The following ARHGAP26 variants were observed in gnomAD, a reference collection of about 807,000 sequenced individuals.
ARHGAP26 encodes the protein Rho GTPase activating protein 26, also known as rho GTPase-activating protein 26.
ARHGAP26 carries 38 observed loss-of-function variants against 104.8 expected under a neutral mutation model. The ratio of observed to expected loss-of-function variants is 0.36; its 90% CI spans 0.28 to 0.48. The LOEUF is 0.48. Ranked by LOEUF, ARHGAP26 falls within the 20% of genes least tolerant of loss-of-function variation. The pLI, the probability that ARHGAP26 is intolerant of heterozygous loss-of-function variation, is 0.99. For missense variants in ARHGAP26, 704 were observed against 947.9 expected (o/e 0.74, Z 3.38); for synonymous variants, 341 against 340.0 (o/e 1.00, Z -0.03).
chr5:143,036,287 C>T (rs1420683896), intron 12 of ARHGAP26, among the ~76,000 whole-genome samples: 1 of 152,200 alleles, frequency 6.6e-6, no homozygotes, highest in Non-Finnish European at 1.5e-5. Flanking sequence ...TAAAGATTAT[C>T]ACCGGGTAAC....
At chr5:142,931,030 G>A (rs1011917814) in intron 10 of ARHGAP26, among the ~76,000 whole-genome samples, 11 of 152,086 alleles carry the variant, frequency 7.2e-5, no homozygotes, top group African/African-American at 2.2e-4. Context: ...GACAGGAATC[G>A]GACTTTAGTT....
chr5:143,019,938 T>C (rs1247755533), intron 12 of ARHGAP26, among the ~76,000 whole-genome samples: 2 of 152,246 alleles, frequency 1.3e-5, no homozygotes, highest in Non-Finnish European at 2.9e-5. Context: ...AATCGGGTTA[T>C]GTTGAAAGGA....
At chr5:142,805,652 G>C (rs1467880197) in intron 1 of ARHGAP26, among the ~76,000 whole-genome samples, 4 of 152,150 alleles carry the variant, frequency 2.6e-5, no homozygotes, top group Non-Finnish European at 4.4e-5. Context: ...CTGAGGTTTG[G>C]AATAGCTAAT....
At chr5:143,034,009 A>G (rs1473259006) in intron 12 of ARHGAP26, among the ~76,000 whole-genome samples, 1 of 152,226 alleles carries the variant, frequency 6.6e-6, no homozygotes, top group Non-Finnish European at 1.5e-5. Context: ...GATTCCCAAC[A>G]TTATTAGTCA....
chr5:142,924,743 C>T (rs1763669300), intron 10 of ARHGAP26, among the ~76,000 whole-genome samples: 1 of 152,206 alleles, frequency 6.6e-6, no homozygotes. Flanking sequence ...CATAGTAGTG[C>T]AGATTCATAT....
intron 5 of ARHGAP26, among the ~76,000 whole-genome samples, chr5:142,888,535 C>T (rs952642362): frequency 6.6e-6 from 1 of 152,164 alleles, no homozygotes; most frequent in African/African-American, 2.4e-5. Flanking sequence ...TTGTTGAGCA[C>T]GTGGTACACC....
At chr5:142,839,668 G>T (rs1770354747) in intron 1 of ARHGAP26, among the ~76,000 whole-genome samples, 5 of 152,110 alleles carry the variant, frequency 3.3e-5, no homozygotes, top group Admixed American at 3.3e-4. Context: ...AAAAGTTCTG[G>T]AATGAGGCTT....
At chr5:143,168,619 T>G (rs1247584438) in intron 20 of ARHGAP26, 1 of 152,206 alleles carries the variant, frequency 6.6e-6, no homozygotes, top group African/African-American at 2.4e-5. Flanking sequence ...GCTGTATTCC[T>G]CTTCTGTGTT....
intron 17 of ARHGAP26, among the ~76,000 whole-genome samples, chr5:143,116,744 C>G (rs1795503017): frequency 6.6e-6 from 1 of 152,230 alleles, no homozygotes; most frequent in African/African-American, 2.4e-5. Context: ...CCATCTATTT[C>G]CTCTTAAAGC....
At chr5:143,160,124 A>G (rs1261072262) in intron 20 of ARHGAP26, among the ~76,000 whole-genome samples, 6 of 150,680 alleles carry the variant, frequency 4.0e-5, no homozygotes, top group Admixed American at 3.3e-4. Context: ...CAGTGGTGCA[A>G]TCTCGGCTCA....
rs530719051 is a variant in ARHGAP26, at chr5:142,787,091, T to C, written c.154+16176T>C. Reference sequence around the variant, plus strand: ...GCTCCCTTTCCTGTTATACTTCCTGTGTTACATTTCAGAGTGAGAGGATGT... The same window carrying C: ...GCTCCCTTTCCTGTTATACTTCCTGCGTTACATTTCAGAGTGAGAGGATGT... On this transcript the variant is annotated intron_variant, in intron 1 of 22. Coordinates refer to ENST00000645722, the MANE Select transcript of ARHGAP26 (RefSeq NM_001135608.3). Among the ~76,000 whole-genome samples, 9 of 152,340 alleles carry C rather than the reference T, an allele frequency of 5.9e-5. No homozygotes were observed. In the Middle Eastern group the frequency reaches 0.014, roughly 230 times the overall value.
intron 11 of ARHGAP26, among the ~76,000 whole-genome samples, chr5:143,003,983 C>T (rs981072105): frequency 7.5e-6 from 1 of 132,914 alleles, no homozygotes; most frequent in Admixed American, 8.4e-5. Flanking sequence ...AGAGAGACTC[C>T]AGGGATGCCT....
intron 12 of ARHGAP26, among the ~76,000 whole-genome samples, chr5:143,017,161 G>A (rs1779705714): frequency 1.3e-5 from 2 of 152,194 alleles, no homozygotes; most frequent in Non-Finnish European, 2.9e-5. Context: ...AAATGTTTTG[G>A]TGGGAATTTC....
At chr5:142,831,577 C>G (rs558504079) in intron 1 of ARHGAP26, among the ~76,000 whole-genome samples, 43 of 152,194 alleles carry the variant, frequency 2.8e-4, no homozygotes, top group Non-Finnish European at 5.1e-4. Context: ...CATGTCAGCT[C>G]AGATCCAACA....
At position 142,879,652 on chromosome 5, in the gene ARHGAP26, G is replaced by A. The variant is rs762953809; in HGVS notation, c.384+207G>A. Among the ~76,000 whole-genome samples, 15 of 152,208 alleles carry A rather than the reference G, an allele frequency of 9.9e-5. 1 individual carries two copies. Among genetic ancestry groups the A allele is most frequent in the Non-Finnish European group, 1.8e-4 (12 of 68,036 alleles). ...TACGACCATCTGAGCCGTCAACCCC[G>A]GAGGGGCCATTCTGGTATTTTGTTA... On this transcript the variant is annotated intron_variant, in intron 4 of 22. Coordinates refer to ENST00000645722, the MANE Select transcript of ARHGAP26 (RefSeq NM_001135608.3).
intron 20 of ARHGAP26, among the ~76,000 whole-genome samples, chr5:143,152,592 C>T (rs1799980618): frequency 6.6e-6 from 1 of 152,224 alleles, no homozygotes; most frequent in Non-Finnish European, 1.5e-5. Flanking sequence ...AGAATCTTTG[C>T]AACCCCTCCC....
chr5:143,197,578 G>A (rs945158040), intron 20 of ARHGAP26, among the ~76,000 whole-genome samples: 7 of 152,306 alleles, frequency 4.6e-5, no homozygotes, highest in Middle Eastern at 3.4e-3. Flanking sequence ...TTACTCACCA[G>A]TAAGAAATCT....
chr5:143,126,455 C>T (rs1025434462), intron 18 of ARHGAP26, among the ~76,000 whole-genome samples: 1 of 152,166 alleles, frequency 6.6e-6, no homozygotes, highest in Non-Finnish European at 1.5e-5. Context: ...TATGTCAGCA[C>T]TTTAGAAAGA....
At chr5:143,145,982 T>C (rs976730948) in intron 19 of ARHGAP26, among the ~76,000 whole-genome samples, 10 of 152,190 alleles carry the variant, frequency 6.6e-5, no homozygotes, top group African/African-American at 2.4e-4. Context: ...TAAAGAGACC[T>C]GAGTTCAAAT....
Sources: gnomAD v4.1 joint callset for allele counts (sites outside exome capture counted in the v4.1 genomes callset) on GRCh38, gnomAD v4.1.1 for gene constraint, MANE v1.5 for transcripts, NCBI Gene and HGNC (gene_info 2026-07-23, HGNC 2026-07-21) for gene names.